The following NPR3 variants were observed in gnomAD, a reference collection of about 807,000 sequenced individuals.
NPR3 encodes atrial natriuretic peptide receptor 3.
Under a neutral mutation model 54.5 loss-of-function variants are expected in NPR3, and 34 were observed. The observed-to-expected ratio is 0.62, with a 90% CI of 0.47 to 0.83. NPR3 has a LOEUF of 0.83. Among genes scored for constraint, NPR3 ranks in the 40% least tolerant of loss-of-function variants. The probability of loss-of-function intolerance (pLI) is 0.00; values close to 1 mark genes in which losing one functional copy is unlikely to be tolerated. For synonymous variants in NPR3, 289 were observed against 297.1 expected, an observed-to-expected ratio of 0.97 and a Z score of 0.28; for missense variants, 674 against 720.8, an observed-to-expected ratio of 0.94 and a Z score of 0.74.
intron 2 of NPR3, among the ~76,000 whole-genome samples, chr5:32,733,945 T>C (rs1175413801): frequency 1.3e-5 from 2 of 152,232 alleles, no homozygotes; most frequent in African/African-American, 4.8e-5. Context: ...GTTCCTATCA[T>C]TTATTAGCTA....
rs555055804 is a variant in NPR3, at chr5:32,727,262, G to T, written c.892+2442G>T. On this transcript the variant is annotated intron_variant, in intron 2 of 7. Transcript: ENST00000265074. ...CTACCTCAGCCTCCTGAGTAGCTGG[G>T]ACTACAGGCATGTGCCACCATGCCT... Among the ~76,000 whole-genome samples the T allele has an allele frequency of 5.3e-5, 8 of 152,236 alleles. No individual in the cohort carries two copies. The South Asian group carries it at 1.7e-3, about 32-fold the overall frequency.
intron 4 of NPR3, among the ~76,000 whole-genome samples, chr5:32,779,758 G>A (rs1192208527): frequency 6.6e-6 from 1 of 152,098 alleles, no homozygotes. Flanking sequence ...GGGTACAGTT[G>A]GGTCTTCTCT....
At chr5:32,704,985 GA>G (rs1006013409), upstream of NPR3, among the ~76,000 whole-genome samples, 6 of 152,068 alleles carry the variant, frequency 3.9e-5, no homozygotes, top group Non-Finnish European at 7.4e-5. Flanking sequence ...TGTGTATTAT[GA>G]AAAAAACTAT....
chr5:32,704,722 C>T (rs1737940170), upstream of NPR3, among the ~76,000 whole-genome samples: 1 of 152,132 alleles, frequency 6.6e-6, no homozygotes, highest in South Asian at 2.1e-4. Context: ...TTTCTGAGGC[C>T]ATTACAAGAG....
intron 1 of NPR3, among the ~76,000 whole-genome samples, chr5:32,693,315 T>C (rs1740446914): frequency 6.6e-6 from 1 of 152,250 alleles, no homozygotes; most frequent in Admixed American, 6.5e-5. Context: ...GAATTCTGTT[T>C]CTTTAACTTC....
intron 3 of NPR3, among the ~76,000 whole-genome samples, chr5:32,751,952 A>G (rs1216694228): frequency 1.3e-5 from 2 of 152,214 alleles, no homozygotes; most frequent in African/African-American, 4.8e-5. Flanking sequence ...CTGTAATCCC[A>G]GCACTTTGGG....
At chr5:32,727,887 G>T (rs183759188) in intron 2 of NPR3, among the ~76,000 whole-genome samples, 1 of 152,200 alleles carries the variant, frequency 6.6e-6, no homozygotes, top group African/African-American at 2.4e-5. Context: ...TCATATAACA[G>T]GGGTGATACT....
intron 1 of NPR3, chr5:32,713,375 G>T (rs1738368307): frequency 5.5e-5 from 54 of 985,374 alleles, no homozygotes; most frequent in Non-Finnish European, 6.4e-5. Context: ...GAGGATGGTG[G>T]CTATGGCTTC....
At chr5:32,696,696 T>C (rs1356985716) in intron 1 of NPR3, among the ~76,000 whole-genome samples, 1 of 152,178 alleles carries the variant, frequency 6.6e-6, no homozygotes, top group Non-Finnish European at 1.5e-5. Flanking sequence ...TTTCATAGTT[T>C]TCATTGAAGA....
At chr5:32,704,945 A>G (rs1259895779), upstream of NPR3, among the ~76,000 whole-genome samples, 2 of 152,264 alleles carry the variant, frequency 1.3e-5, no homozygotes, top group East Asian at 1.9e-4. Context: ...TGAAGTGCAT[A>G]TAAGTGGTCT....
At chr5:32,726,905 A>G (rs996862634) in intron 2 of NPR3, among the ~76,000 whole-genome samples, 2 of 152,212 alleles carry the variant, frequency 1.3e-5, no homozygotes, top group Non-Finnish European at 2.9e-5. Flanking sequence ...CATACTATTT[A>G]TGGTATGGCT....
intron 3 of NPR3, among the ~76,000 whole-genome samples, chr5:32,748,433 A>AGCAG (rs1740410891): frequency 6.6e-6 from 1 of 151,890 alleles, no homozygotes; most frequent in Admixed American, 6.6e-5. Context: ...AACAGCAGAA[A>AGCAG]GCATTACCAC....
intron 3 of NPR3, among the ~76,000 whole-genome samples, chr5:32,741,771 C>CA (rs1561101873): frequency 6.8e-6 from 1 of 146,122 alleles, no homozygotes. Flanking sequence ...GGGGCTTTTT[C>CA]TTTTTTTTTT....
intron 4 of NPR3, among the ~76,000 whole-genome samples, chr5:32,779,061 C>G (rs956625700): frequency 3.9e-5 from 6 of 152,308 alleles, no homozygotes; most frequent in African/African-American, 1.2e-4. Flanking sequence ...CATTCTGTTT[C>G]TGGTAAAGTA....
chr5:32,695,610 A>C (rs1329926640), intron 1 of NPR3, among the ~76,000 whole-genome samples: 1 of 152,188 alleles, frequency 6.6e-6, no homozygotes, highest in Non-Finnish European at 1.5e-5. Flanking sequence ...TGTTCTCCAT[A>C]GTGGTTATTC....
At chr5:32,774,539 A>G (rs1741938648) in intron 3 of NPR3, among the ~76,000 whole-genome samples, 169 bp from the exon 4 acceptor site, 1 of 152,180 alleles carries the variant, frequency 6.6e-6, no homozygotes, top group South Asian at 2.1e-4. Context: ...TTCCCCTCTG[A>G]GCCATGCCAG....
Position 32,774,787 on chromosome 5 carries a change from A to G in NPR3, c.1139A>G (p.Tyr380Cys). 1 of 1,607,336 alleles carries G rather than the reference A, an allele frequency of 6.2e-7. No homozygotes were observed. The highest frequency in any genetic ancestry group is 8.5e-7 in the Non-Finnish European group (1 of 1,173,816). The change falls in exon 4 of 8, where the codon TAC becomes TGC. Residue 380 changes from tyrosine (Y) to cysteine (C), a missense_variant. Coordinates refer to ENST00000265074, the MANE Select transcript of NPR3 (RefSeq NM_001204375.2). ...CTACATGAAGTACTCAGAGCTGGTT[A>G]CAGCAAAAAGGATGGAGGGAAAATT... ...LALHEVLRAG[Y>C]SKKDGGKIIQ...
intron 3 of NPR3, among the ~76,000 whole-genome samples, chr5:32,762,127 C>CT (rs1430848236): frequency 2.0e-5 from 3 of 152,080 alleles, no homozygotes; most frequent in South Asian, 2.1e-4. Flanking sequence ...TGAACTCATC[C>CT]TTTTTTTACA....
chr5:32,738,934 A>T lies in NPR3; in HGVS notation c.963A>T (p.Thr321=), dbSNP rs1739895628. ...AGCAAGCATACTCGTCCCTCCAGAC[A>T]GTCACTCTACTGAGGACAGTGAAAC... The part of the protein sequence containing the change: ...EAKQAYSSLQ[T]VTLLRTVKPE... Residue 321 remains threonine, a synonymous_variant, in exon 3 of 8, where the codon ACA becomes ACT. Coordinates refer to ENST00000265074, the MANE Select transcript of NPR3 (RefSeq NM_001204375.2). 1.2e-6 allele frequency: 2 copies of T among 1,613,794 alleles called. No individual in the cohort carries two copies. The highest frequency in any genetic ancestry group is 2.7e-5 in the African/African-American group (2 of 74,944).
Sources: allele counts gnomAD v4.1 joint callset (sites outside exome capture counted in the v4.1 genomes callset), GRCh38; gene constraint gnomAD v4.1.1; transcripts MANE v1.5; gene names NCBI Gene and HGNC (gene_info 2026-07-23, HGNC 2026-07-21).